Variants in TAOK3 observed in about 807,000 individuals in gnomAD.
The protein encoded by TAOK3 is serine/threonine-protein kinase TAO3.
A neutral mutation model predicts 120.4 loss-of-function variants in TAOK3; 40 were observed. That is an observed-to-expected ratio of 0.33 (90% CI 0.26 to 0.43). TAOK3 has a LOEUF of 0.43. Among genes scored for constraint, TAOK3 ranks in the 20% least tolerant of loss-of-function variants. The pLI, the probability that TAOK3 is intolerant of heterozygous loss-of-function variation, is 1.00. For missense variants in TAOK3, 821 were observed against 1,112.1 expected (o/e 0.74, Z 3.72); for synonymous variants, 355 against 387.5 (o/e 0.92, Z 0.99).
In TAOK3 at chr12:118,212,919, A is replaced by C; in HGVS notation, c.814T>G (p.Leu272Val). 6.2e-7 allele frequency: 1 copy of C among 1,608,172 alleles called. No individual in the cohort carries two copies. Among genetic ancestry groups the C allele is most frequent in the Non-Finnish European group, 8.5e-7 (1 of 1,176,768 alleles). The change falls in exon 11 of 21, where the codon TTA (leucine) becomes GTA (valine). Residue 272 changes from leucine to valine, a missense_variant. Physicochemically the swap from Leu to Val is conservative, Grantham distance 32. Transcript: ENST00000392533. ...ATATAAATTTGAAAAATTACCCTTA[A>C]TAGTTCTGCTGATGTTGGCCTTTCC... ...PQERPTSAELLRHDFVRRDRP... is the reference protein window; with the variant it reads ...PQERPTSAELVRHDFVRRDRP...
intron 1 of TAOK3, among the ~76,000 whole-genome samples, chr12:118,268,360 T>C (rs2041549534): frequency 6.6e-6 from 1 of 152,224 alleles, no homozygotes; most frequent in Non-Finnish European, 1.5e-5. Flanking sequence ...TTTAGATGCT[T>C]GACTAGCATT....
At chr12:118,225,223 G>A (rs2039442810) in intron 9 of TAOK3, among the ~76,000 whole-genome samples, 1 of 147,586 alleles carries the variant, frequency 6.8e-6, no homozygotes, top group Non-Finnish European at 1.5e-5. Context: ...ACTCTAGCCT[G>A]GGTGACAAGT....
In TAOK3 at chr12:118,240,339, G is replaced by A. The variant is rs61945207; in HGVS notation, c.295-1067C>T. On this transcript the variant is annotated intron_variant, in intron 5 of 20. Coordinates refer to ENST00000392533, the MANE Select transcript of TAOK3 (RefSeq NM_016281.4). ...GGATTACAGGCATGCGCCACCACAC[G>A]CGGCTAATTTTGTATTTTTAGTAGA... 1.5e-3 allele frequency among the ~76,000 whole-genome samples: 226 copies of A among 151,400 alleles called. No homozygotes were observed. In the East Asian group the frequency reaches 0.019, roughly 13 times the overall value.
intron 5 of TAOK3, among the ~76,000 whole-genome samples, chr12:118,242,626 G>A (rs1254053481): frequency 6.6e-6 from 1 of 152,182 alleles, no homozygotes; most frequent in East Asian, 1.9e-4. Flanking sequence ...TTGGGAGGCT[G>A]AGGCAGGTGG....
At chr12:118,361,462 C>CTT (rs879290391) in intron 1 of TAOK3, among the ~76,000 whole-genome samples, 4 of 142,036 alleles carry the variant, frequency 2.8e-5, no homozygotes, top group Non-Finnish European at 3.1e-5. Context: ...ATTTTTTTTT[C>CTT]TTTTTTTTTT....
At chr12:118,235,433 C>A in intron 8 of TAOK3, 125 bp downstream of exon 8, 1 of 651,158 alleles carries the variant, frequency 1.5e-6, no homozygotes, top group Non-Finnish European at 2.7e-6. Context: ...CTATCCTTCT[C>A]AAATGAAACC....
chr12:118,369,930 A>T (rs1346881283), intron 1 of TAOK3, among the ~76,000 whole-genome samples: 1 of 152,084 alleles, frequency 6.6e-6, no homozygotes, highest in African/African-American at 2.4e-5. Context: ...GCTGGAGTGC[A>T]GTGGCGCGAT....
chr12:118,188,219 G>A (rs2037194029), intron 14 of TAOK3, among the ~76,000 whole-genome samples: 1 of 152,196 alleles, frequency 6.6e-6, no homozygotes, highest in African/African-American at 2.4e-5. Context: ...ACATGAACGG[G>A]TCTGGATAAA....
intron 1 of TAOK3, among the ~76,000 whole-genome samples, chr12:118,364,729 G>A (rs2045696856): frequency 6.6e-6 from 1 of 151,994 alleles, no homozygotes. Context: ...CCAACACGGT[G>A]AAATCCCCCT....
chr12:118,212,538 G>T (rs1239201592), intron 11 of TAOK3, among the ~76,000 whole-genome samples: 5 of 152,216 alleles, frequency 3.3e-5, no homozygotes, highest in African/African-American at 1.2e-4. Context: ...AAATCCCAGA[G>T]TTGGTGTTTG....
At chr12:118,358,863 A>G (rs1354578233) in intron 1 of TAOK3, 1 of 152,198 alleles carries the variant, frequency 6.6e-6, no homozygotes, top group Non-Finnish European at 1.5e-5. Context: ...GTGTTTAGAC[A>G]CAAACCATAT....
chr12:118,304,066 G>A (rs1005461996), intron 1 of TAOK3, among the ~76,000 whole-genome samples: 1 of 152,174 alleles, frequency 6.6e-6, no homozygotes, highest in African/African-American at 2.4e-5. Context: ...GTCTGGCACT[G>A]TTTCAGTGAA....
At chr12:118,228,556 T>G (rs1315728060) in intron 9 of TAOK3, among the ~76,000 whole-genome samples, 1 of 152,214 alleles carries the variant, frequency 6.6e-6, no homozygotes, top group East Asian at 1.9e-4. Flanking sequence ...CACCAAATAT[T>G]CAATGTTATG....
intron 1 of TAOK3, among the ~76,000 whole-genome samples, chr12:118,331,298 C>T (rs963043388): frequency 1.8e-4 from 28 of 152,066 alleles, no homozygotes; most frequent in African/African-American, 6.3e-4. Flanking sequence ...AGGTTCTGCC[C>T]CCAGCTGCAC....
At chr12:118,185,429 A>G (rs2037014685) in intron 14 of TAOK3, among the ~76,000 whole-genome samples, 1 of 152,172 alleles carries the variant, frequency 6.6e-6, no homozygotes, top group Non-Finnish European at 1.5e-5. Flanking sequence ...GTGGCTGATG[A>G]TGTTACCCTC....
At chr12:118,252,067 C>G (rs1009369439) in intron 3 of TAOK3, among the ~76,000 whole-genome samples, 16 of 152,074 alleles carry the variant, frequency 1.1e-4, no homozygotes, top group Admixed American at 7.9e-4. Flanking sequence ...GTGATCCACC[C>G]GCCTCGGCCT....
At position 118,194,196 on chromosome 12, in the gene TAOK3, C is replaced by G. The variant is rs11068867; in HGVS notation, c.1195-4255G>C. 9.9e-5 allele frequency among the ~76,000 whole-genome samples: 15 copies of G among 152,228 alleles called. No individual in the cohort carries two copies. In the East Asian group the frequency reaches 2.5e-3, roughly 25 times the overall value. On this transcript the variant is annotated intron_variant, in intron 13 of 20. Coordinates refer to ENST00000392533, the MANE Select transcript of TAOK3 (RefSeq NM_016281.4). ...TGGCTCTTATCCGGTGATGAGAAACCTTTGTATAGACTCCCACACTTTCTA... is the reference window on the plus strand; with the variant it reads ...TGGCTCTTATCCGGTGATGAGAAACGTTTGTATAGACTCCCACACTTTCTA...
At chr12:118,363,755 TGAGA>T (rs112300856) in intron 1 of TAOK3, among the ~76,000 whole-genome samples, 161 of 141,748 alleles carry the variant, frequency 1.1e-3, no homozygotes, top group African/African-American at 3.2e-3. Context: ...TGTGTGTGTG[TGAGA>T]GAGAGAGAGA....
intron 1 of TAOK3, among the ~76,000 whole-genome samples, chr12:118,302,818 A>G (rs540241515): frequency 6.6e-6 from 1 of 152,330 alleles, no homozygotes; most frequent in South Asian, 2.1e-4. Flanking sequence ...ACCTCTCAAA[A>G]TATTTGGAAA....
Sources: allele counts gnomAD v4.1 joint callset (sites outside exome capture counted in the v4.1 genomes callset), GRCh38; gene constraint gnomAD v4.1.1; transcripts MANE v1.5; gene names NCBI Gene and HGNC (gene_info 2026-07-23, HGNC 2026-07-21).